Variants in TNN observed in about 807,000 individuals in gnomAD.
TNN encodes tenascin-N.
TNN carries 122 observed loss-of-function variants against 134.4 expected under a neutral mutation model. That is an observed-to-expected ratio of 0.91 (90% CI 0.78 to 1.06). TNN has a LOEUF of 1.06. Among genes scored for constraint, TNN ranks in the 50% least tolerant of loss-of-function variants. The probability of loss-of-function intolerance (pLI) is 0.00; values close to 1 mark genes in which losing one functional copy is unlikely to be tolerated. For synonymous variants in TNN, 710 were observed against 670.3 expected (o/e 1.06, Z -0.91); for missense variants, 1,739 against 1,699.4 (o/e 1.02, Z -0.41).
chr1:175,068,683 G>A (rs533585291), intron 1 of TNN, among the ~76,000 whole-genome samples: 37 of 152,280 alleles, frequency 2.4e-4, no homozygotes, highest in South Asian at 8.3e-4. Flanking sequence ...GAGGCAGGTG[G>A]ATCACCTGAG....
intron 15 of TNN, among the ~76,000 whole-genome samples, chr1:175,130,548 T>C (rs1675651377): frequency 6.6e-6 from 1 of 152,204 alleles, no homozygotes; most frequent in African/African-American, 2.4e-5. Flanking sequence ...GTGCCTGTAA[T>C]TGACTTTTGG....
intron 13 of TNN, 21 bp downstream of exon 13, chr1:175,127,106 T>C: frequency 1.2e-6 from 2 of 1,608,798 alleles, no homozygotes; most frequent in Admixed American, 1.7e-5. Flanking sequence ...TCCTTGTCTT[T>C]TCTCCTGGTG....
intron 9 of TNN, among the ~76,000 whole-genome samples, chr1:175,110,898 G>A (rs1000200585): frequency 4.6e-5 from 7 of 152,108 alleles, no homozygotes; most frequent in African/African-American, 1.2e-4. Context: ...TTCTAGGCTG[G>A]GTGCAGTGGC....
intron 13 of TNN, 38 bp downstream of exon 13, chr1:175,127,123 C>T (rs1675550336): frequency 6.2e-7 from 1 of 1,600,812 alleles, no homozygotes; most frequent in Admixed American, 1.7e-5. Context: ...GGTGCCTTCT[C>T]TTCTGTGTGA....
chr1:175,118,831 G>A lies in TNN; in HGVS notation c.2650+7G>A. On this transcript the variant is annotated splice_region_variant and intron_variant, in intron 11 of 18. Coordinates refer to ENST00000239462, the MANE Select transcript of TNN (RefSeq NM_022093.2). ...GACACCAAGGCCCAGACAGGTAATA[G>A]AAGTGAAGAGAAGAGCAAACCCGGG... is the stretch of plus-strand genomic sequence containing the variant. The A allele has an allele frequency of 6.2e-7, 1 of 1,613,834 alleles. No individual in the cohort carries two copies. The highest frequency in any genetic ancestry group is 8.5e-7 in the Non-Finnish European group (1 of 1,179,922).
intron 2 of TNN, 116 bp from the exon 3 acceptor site, chr1:175,079,212 ATCACC>A: frequency 7.9e-7 from 1 of 1,271,120 alleles, no homozygotes; most frequent in Non-Finnish European, 1.0e-6. Context: ...AGACCCAGAA[ATCACC>A]AGACCCTTAA....
chr1:175,140,836 G>A (rs1376068356), intron 17 of TNN, among the ~76,000 whole-genome samples: 1 of 152,182 alleles, frequency 6.6e-6, no homozygotes, highest in Non-Finnish European at 1.5e-5. Context: ...CGTTCCTTAT[G>A]TACACTGATT....
chr1:175,139,484 T>C (rs1302109227), intron 17 of TNN, among the ~76,000 whole-genome samples: 1 of 152,224 alleles, frequency 6.6e-6, no homozygotes, highest in African/African-American at 2.4e-5. Context: ...ATCACTGTCT[T>C]CCACCTCCGC....
At chr1:175,082,647 G>T (rs574755162) in intron 4 of TNN, among the ~76,000 whole-genome samples, 2 of 152,176 alleles carry the variant, frequency 1.3e-5, no homozygotes, top group South Asian at 4.1e-4. Context: ...AATCGGGGAC[G>T]TTCAGAGCCC....
chr1:175,076,422 C>T (rs114879094), intron 1 of TNN, among the ~76,000 whole-genome samples: 92 of 152,270 alleles, frequency 6.0e-4, no homozygotes, highest in Admixed American at 1.1e-3. Flanking sequence ...TTAACAGGCT[C>T]ACGGCCTAAG....
intron 6 of TNN, among the ~76,000 whole-genome samples, chr1:175,090,426 C>G (rs1674417341): frequency 2.1e-5 from 3 of 145,012 alleles, no homozygotes; most frequent in African/African-American, 7.9e-5. Context: ...AACCCACCTT[C>G]AAATCAATGA....
chr1:175,142,568 T>A (rs1230919008), intron 17 of TNN, among the ~76,000 whole-genome samples: 1 of 152,278 alleles, frequency 6.6e-6, no homozygotes, highest in African/African-American at 2.4e-5. Flanking sequence ...AACCTGTAGT[T>A]TCCGGTTCTG....
At chr1:175,085,374 C>A (rs778801178) in intron 5 of TNN, 31 bp from the exon 6 acceptor site, 1 of 1,465,926 alleles carries the variant, frequency 6.8e-7, no homozygotes, top group Non-Finnish European at 9.5e-7. Context: ...GGAGCCTGCA[C>A]TCACATCCTG....
At chr1:175,068,661 C>T (rs1200998971) in intron 1 of TNN, among the ~76,000 whole-genome samples, 1 of 152,160 alleles carries the variant, frequency 6.6e-6, no homozygotes, top group African/African-American at 2.4e-5. Context: ...AATCCCAGCA[C>T]TTTGAGAGGC....
At chr1:175,090,215 G>T (rs530803455) in intron 6 of TNN, among the ~76,000 whole-genome samples, 1 of 152,180 alleles carries the variant, frequency 6.6e-6, no homozygotes, top group Admixed American at 6.5e-5. Context: ...ACTTAGGTTC[G>T]CTTGAAATCA....
chr1:175,077,435 T>A lies in TNN; in HGVS notation c.17T>A (p.Met6Lys). 2 of 1,613,294 alleles carry A rather than the reference T, an allele frequency of 1.2e-6. No homozygotes were observed. Among genetic ancestry groups the A allele is most frequent in the Non-Finnish European group, 1.7e-6 (2 of 1,179,676 alleles). Residue 6 changes from methionine (M) to lysine (K), a missense_variant, in exon 2 of 19, where the codon ATG (methionine) becomes AAG (lysine). By Grantham distance (95) the Met-to-Lys change is moderately conservative. Coordinates refer to ENST00000239462, the MANE Select transcript of TNN (RefSeq NM_022093.2). ...TTTCCAAGGATGAGTCTCCAGGAGA[T>A]GTTCCGCTTCCCTATGGGGCTCCTG... MSLQE[M>K]FRFPMGLLLG... is the part of the protein sequence containing the mutation.
intron 1 of TNN, among the ~76,000 whole-genome samples, chr1:175,076,021 T>C (rs775875640): frequency 3.3e-5 from 5 of 152,208 alleles, no homozygotes; most frequent in Non-Finnish European, 5.9e-5. Flanking sequence ...ACTTTCTAGA[T>C]AACTGCTGCT....
At chr1:175,109,072 A>G (rs1450671521) in intron 9 of TNN, among the ~76,000 whole-genome samples, 1 of 61,978 alleles carries the variant, frequency 1.6e-5, no homozygotes, top group African/African-American at 6.7e-5. Context: ...ATCTAACTGT[A>G]TTTTTTTTTT....
rs774846942 is a variant in TNN, at chr1:175,127,042, A to C, written c.3002A>C (p.His1001Pro). The part of the protein sequence containing the change: ...LTWTPPSAQI[H>P]GYILTYQFPD... ...TGGACGCCCCCCTCTGCTCAGATCC[A>C]CGGCTACATTCTGACTTACCAGTTC... The change falls in exon 13 of 19, where the codon CAC becomes CCC. Residue 1001 changes from histidine (H) to proline (P), a missense_variant. Coordinates refer to ENST00000239462, the MANE Select transcript of TNN (RefSeq NM_022093.2). 2.5e-6 allele frequency: 4 copies of C among 1,614,056 alleles called. No individual in the cohort carries two copies. Among genetic ancestry groups the C allele is most frequent in the Non-Finnish European group, 3.4e-6 (4 of 1,179,986 alleles).
Sources: gnomAD v4.1 joint callset for allele counts (sites outside exome capture counted in the v4.1 genomes callset) on GRCh38, gnomAD v4.1.1 for gene constraint, MANE v1.5 for transcripts, NCBI Gene and HGNC (gene_info 2026-07-23, HGNC 2026-07-21) for gene names.